DCDC1: variants seen among roughly 807,000 people sequenced by gnomAD.
DCDC1 encodes doublecortin domain containing 1.
A neutral mutation model predicts 178.3 loss-of-function variants in DCDC1; 200 were observed. That is an observed-to-expected ratio of 1.12 (90% CI 1.00 to 1.26). DCDC1 has a LOEUF of 1.26. Among genes scored for constraint, DCDC1 ranks in the 50% most tolerant of loss-of-function variants. DCDC1 has a pLI of 0.00. For missense variants in DCDC1, 1,983 were observed against 1,749.2 expected (o/e 1.13, Z -2.38); for synonymous variants, 690 against 604.8 (o/e 1.14, Z -2.07).
chr11:31,263,141 C>A (rs1367348398), intron 8 of DCDC1: 7 of 1,521,978 alleles, frequency 4.6e-6, no homozygotes, highest in South Asian at 1.2e-5. Context: ...AAATATAAAT[C>A]TTTCATCTTA....
chr11:31,206,221 T>C (rs1240542594), intron 9 of DCDC1, among the ~76,000 whole-genome samples: 1 of 152,192 alleles, frequency 6.6e-6, no homozygotes, highest in East Asian at 1.9e-4. Flanking sequence ...GGGAAAAGTA[T>C]AACTTTACAC....
chr11:31,187,541 G>GA (rs1273693383), intron 9 of DCDC1, among the ~76,000 whole-genome samples: 1 of 152,158 alleles, frequency 6.6e-6, no homozygotes, highest in Non-Finnish European at 1.5e-5. Flanking sequence ...TCATAAAAAT[G>GA]ATTCTTTAAG....
At chr11:31,278,482 G>A (rs953988150) in intron 7 of DCDC1, among the ~76,000 whole-genome samples, 1 of 152,132 alleles carries the variant, frequency 6.6e-6, no homozygotes, top group African/African-American at 2.4e-5. Context: ...CAGAAGCAGA[G>A]AGTAGAATGG....
At position 31,315,978 on chromosome 11, in the gene DCDC1, T is replaced by C. The variant is rs1273817771; in HGVS notation, c.165-8070A>G. Reference sequence around the variant, plus strand: ...ATTTCATCCATGTCCCTACAAAGGATATGAACTCATCATTTTTTATGGCTG... The same window carrying C: ...ATTTCATCCATGTCCCTACAAAGGACATGAACTCATCATTTTTTATGGCTG... On this transcript the variant is annotated intron_variant, in intron 3 of 38. Coordinates refer to ENST00000684477, the MANE Select transcript of DCDC1 (RefSeq NM_001387274.1). 1.0e-3 allele frequency among the ~76,000 whole-genome samples: 115 copies of C among 113,368 alleles called. 2 individuals carry two copies. The highest frequency in any genetic ancestry group is 3.6e-3 in the Middle Eastern group (1 of 276). The allele number at this position is 113,368 out of a possible 152,430, so 74.4% of individuals were successfully genotyped here. A position where few individuals can be genotyped will look rare whatever the true frequency, so the allele number is the denominator to read the frequency against.
chr11:30,926,380 GC>G (rs1946589343), intron 22 of DCDC1, among the ~76,000 whole-genome samples: 1 of 152,192 alleles, frequency 6.6e-6, no homozygotes, highest in African/African-American at 2.4e-5. Flanking sequence ...GCAGCAGAAA[GC>G]CATTGAAGGC....
Position 31,150,719 on chromosome 11 carries a change from G to A in DCDC1, c.1222-12935C>T, listed in dbSNP as rs986215765. Among the ~76,000 whole-genome samples the A allele has an allele frequency of 7.4e-5, 11 of 149,012 alleles. No individual in the cohort carries two copies. In the Admixed American group the frequency reaches 7.5e-4, roughly 10 times the overall value. On this transcript the variant is annotated intron_variant, in intron 9 of 38. Coordinates refer to ENST00000684477, the MANE Select transcript of DCDC1 (RefSeq NM_001387274.1). ...ACTGTACTTATTTCTTATCATCTAT[G>A]TCCACACTTTCTCCAACATAATTGC...
rs111647905 is a variant in DCDC1, at chr11:31,090,803, C to A, written c.2237+590G>T. Among the ~76,000 whole-genome samples, 207 of 151,816 alleles carry A rather than the reference C, an allele frequency of 1.4e-3. 1 individual carries two copies. Among genetic ancestry groups the A allele is most frequent in the Middle Eastern group, 0.01 (3 of 292 alleles). ...GAGGTATGATAGAAATTGTTTTTTT[C>A]AACACTAAGTGAAAACAAACATCAA... On this transcript the variant is annotated intron_variant, in intron 17 of 38. Transcript: ENST00000684477.
chr11:30,888,293 C>T (rs1943483306), intron 36 of DCDC1, among the ~76,000 whole-genome samples: 1 of 152,078 alleles, frequency 6.6e-6, no homozygotes. Context: ...GAGGCTTGTG[C>T]CTGGAAATGT....
chr11:30,986,334 CTCT>C (rs1950641967), intron 20 of DCDC1, among the ~76,000 whole-genome samples: 1 of 142,788 alleles, frequency 7.0e-6, no homozygotes, highest in Non-Finnish European at 1.5e-5. Context: ...TTTTCTCTCT[CTCT>C]TTTTTTTTTT....
At chr11:30,887,090 A>T (rs1943243716) in intron 36 of DCDC1, among the ~76,000 whole-genome samples, 1 of 152,172 alleles carries the variant, frequency 6.6e-6, no homozygotes, top group Non-Finnish European at 1.5e-5. Flanking sequence ...AGGAAAAAAA[A>T]ATTAAATATG....
At chr11:31,366,765 G>A (rs1442231527) in intron 1 of DCDC1, among the ~76,000 whole-genome samples, 1 of 152,152 alleles carries the variant, frequency 6.6e-6, no homozygotes, top group Admixed American at 6.6e-5. Flanking sequence ...CAAGGAGATG[G>A]GACATCAGTG....
At chr11:30,897,869 A>G (rs1944358384) in intron 34 of DCDC1, among the ~76,000 whole-genome samples, 1 of 152,166 alleles carries the variant, frequency 6.6e-6, no homozygotes, top group Non-Finnish European at 1.5e-5. Context: ...TAATGTGATG[A>G]TGACTATTGG....
intron 17 of DCDC1, among the ~76,000 whole-genome samples, chr11:31,081,790 G>A (rs1203319107): frequency 6.6e-6 from 1 of 152,084 alleles, no homozygotes; most frequent in Admixed American, 6.6e-5. Context: ...TATCACTCCT[G>A]TTGGTAGTCT....
chr11:30,983,267 T>C (rs1301399127), intron 20 of DCDC1, among the ~76,000 whole-genome samples: 2 of 152,180 alleles, frequency 1.3e-5, no homozygotes, highest in East Asian at 3.8e-4. Context: ...ATCAGAAGTG[T>C]TTCCCATTGG....
At chr11:30,910,736 T>C (rs1331536531) in intron 28 of DCDC1, among the ~76,000 whole-genome samples, 14 of 152,102 alleles carry the variant, frequency 9.2e-5, no homozygotes, top group Non-Finnish European at 1.9e-4. Flanking sequence ...AAAAAAAAGA[T>C]CTTCCCAGGT....
At chr11:31,249,535 A>C (rs568291770) in intron 8 of DCDC1, among the ~76,000 whole-genome samples, 2 of 152,278 alleles carry the variant, frequency 1.3e-5, no homozygotes, top group African/African-American at 4.8e-5. Context: ...GACCCTGAGG[A>C]CCATGTCTAA....
At chr11:31,172,176 A>G (rs1967327143) in intron 9 of DCDC1, among the ~76,000 whole-genome samples, 1 of 152,100 alleles carries the variant, frequency 6.6e-6, no homozygotes, top group Non-Finnish European at 1.5e-5. Context: ...TTTAAAAATT[A>G]TATATTTCCC....
At chr11:31,050,141 C>T (rs148933787) in intron 20 of DCDC1, among the ~76,000 whole-genome samples, 36 of 152,240 alleles carry the variant, frequency 2.4e-4, no homozygotes, top group Admixed American at 1.8e-3. Flanking sequence ...CATCTGCAAA[C>T]GGACTCAGGG....
intron 1 of DCDC1, among the ~76,000 whole-genome samples, chr11:31,367,945 G>C (rs901125088): frequency 5.3e-5 from 8 of 152,144 alleles, no homozygotes; most frequent in African/African-American, 1.9e-4. Flanking sequence ...CAAGGTTCTA[G>C]TGAAGAAATG....
Sources: allele counts gnomAD v4.1 joint callset (sites outside exome capture counted in the v4.1 genomes callset), GRCh38; gene constraint gnomAD v4.1.1; transcripts MANE v1.5; gene names NCBI Gene and HGNC (gene_info 2026-07-23, HGNC 2026-07-21).